DTD1: variants seen among roughly 807,000 people sequenced by gnomAD.
DTD1 encodes the protein D-tyrosyl-tRNA deacylase 1 homolog.
Under a neutral mutation model 25.6 loss-of-function variants are expected in DTD1, and 13 were observed. The observed-to-expected ratio is 0.51, with a 90% CI of 0.33 to 0.81. DTD1 has a LOEUF of 0.81. Among genes scored for constraint, DTD1 ranks in the 30% least tolerant of loss-of-function variants. The pLI, the probability that DTD1 is intolerant of heterozygous loss-of-function variation, is 0.02. For missense variants in DTD1, 193 were observed against 266.4 expected (o/e 0.72, Z 1.92); for synonymous variants, 110 against 103.6 (o/e 1.06, Z -0.37).
At chr20:18,616,364 A>G (rs999321974) in intron 3 of DTD1, among the ~76,000 whole-genome samples, 10 of 152,304 alleles carry the variant, frequency 6.6e-5, no homozygotes, top group East Asian at 1.9e-4. Flanking sequence ...ATGGCAAACT[A>G]TATCTACTTT....
chr20:18,681,479 G>GT (rs947866007), intron 4 of DTD1, among the ~76,000 whole-genome samples: 2 of 152,286 alleles, frequency 1.3e-5, no homozygotes, highest in African/African-American at 4.8e-5. Context: ...TCCACCAAGT[G>GT]TTTTTTGGAG....
At chr20:18,759,450 C>T (rs2061352609) in intron 5 of DTD1, among the ~76,000 whole-genome samples, 1 of 152,182 alleles carries the variant, frequency 6.6e-6, no homozygotes, top group African/African-American at 2.4e-5. Context: ...AATCTCTCAG[C>T]ATTTGCTTGT....
chr20:18,613,141 T>G (rs2122281563), intron 3 of DTD1, among the ~76,000 whole-genome samples: 1 of 152,304 alleles, frequency 6.6e-6, no homozygotes, highest in East Asian at 1.9e-4. Context: ...ATTTTAGTCC[T>G]GTTTCTGCTG....
Position 18,759,598 on chromosome 20 carries a change from A to G in DTD1, c.*20-3762A>G, listed in dbSNP as rs562516655. On this transcript the variant is annotated intron_variant, in intron 5 of 5. Transcript: ENST00000377452. ...TCTAGCTTGTAGAGTTTCTGCCGAG[A>G]GATCCGCTGTTAGTCTGATGGGCTT... Among the ~76,000 whole-genome samples the G allele has an allele frequency of 7.9e-5, 12 of 152,330 alleles. No individual in the cohort carries two copies. In the South Asian group the frequency reaches 2.5e-3, roughly 32 times the overall value.
chr20:18,646,469 T>C (rs2060850960), intron 4 of DTD1, among the ~76,000 whole-genome samples: 1 of 152,222 alleles, frequency 6.6e-6, no homozygotes, highest in Non-Finnish European at 1.5e-5. Context: ...TCCTTTATTT[T>C]TCCTCATGAA....
chr20:18,707,510 C>T (rs1483306042), intron 4 of DTD1, among the ~76,000 whole-genome samples: 1 of 152,118 alleles, frequency 6.6e-6, no homozygotes, highest in African/African-American at 2.4e-5. Flanking sequence ...GCTTCTCTGG[C>T]CATAGAGTGC....
intron 4 of DTD1, among the ~76,000 whole-genome samples, chr20:18,639,182 G>GAA (rs56353252): frequency 0.015 from 1,718 of 118,178 alleles, 39 homozygotes; most frequent in African/African-American, 0.047. Context: ...TTTTTTTTAA[G>GAA]AAAAAAAAAA....
intron 4 of DTD1, among the ~76,000 whole-genome samples, chr20:18,727,733 T>G (rs2061227328): frequency 6.6e-6 from 1 of 152,192 alleles, no homozygotes; most frequent in South Asian, 2.1e-4. Flanking sequence ...GCATTCCATG[T>G]AAAGGAGGGC....
rs1187067049 is a variant in DTD1 at position 18,749,863 on chromosome 20, A to G, written c.*19+5592A>G. Among the ~76,000 whole-genome samples, 1 of 152,228 alleles carries G rather than the reference A, an allele frequency of 6.6e-6. No individual in the cohort carries two copies. The highest frequency in any genetic ancestry group is 2.4e-5 in the African/African-American group (1 of 41,468). On this transcript the variant is annotated intron_variant, in intron 5 of 5. Coordinates refer to ENST00000377452, the MANE Select transcript of DTD1 (RefSeq NM_080820.6). This position sits in a 1 kb window ranked among gnomAD's most constrained non-coding sequence, Gnocchi z 4.2. ...CTACTCAGCGCATGGAGGCTCATGA[A>G]CAAGTTTAGATCGGCCCATGAAAGA...
chr20:18,683,179 G>A (rs6075393), intron 4 of DTD1, among the ~76,000 whole-genome samples: 46,859 of 151,952 alleles, frequency 0.31, 7,834 homozygotes, highest in Non-Finnish European at 0.38. Context: ...AGGGCACTGC[G>A]CATATGACAG....
intron 4 of DTD1, among the ~76,000 whole-genome samples, chr20:18,734,698 A>G (rs1359901144): frequency 1.3e-5 from 2 of 152,224 alleles, no homozygotes; most frequent in African/African-American, 4.8e-5. Flanking sequence ...ATACCAAATG[A>G]CAGCTGGTTG....
At chr20:18,644,418 A>G (rs779220135) in intron 4 of DTD1, among the ~76,000 whole-genome samples, 1 of 152,228 alleles carries the variant, frequency 6.6e-6, no homozygotes, top group Non-Finnish European at 1.5e-5. Flanking sequence ...AAGTTGCCTC[A>G]AAACTATGTA....
At chr20:18,682,010 G>GAACTT (rs2060999168) in intron 4 of DTD1, among the ~76,000 whole-genome samples, 1 of 152,204 alleles carries the variant, frequency 6.6e-6, no homozygotes, top group Non-Finnish European at 1.5e-5. Context: ...TGGGAGGGAG[G>GAACTT]AACTGGGAGT....
intron 4 of DTD1, among the ~76,000 whole-genome samples, chr20:18,683,251 T>C (rs897233563): frequency 6.6e-6 from 1 of 152,200 alleles, no homozygotes; most frequent in Non-Finnish European, 1.5e-5. Context: ...AGACTACCTG[T>C]TCATGGATAC....
intron 3 of DTD1, chr20:18,619,942 A>T (rs935348457): frequency 6.6e-6 from 1 of 152,024 alleles, no homozygotes; most frequent in Non-Finnish European, 1.5e-5. Flanking sequence ...GTATTTATGA[A>T]CTTTTAAATT....
chr20:18,644,220 G>T (rs1204856752), intron 4 of DTD1, among the ~76,000 whole-genome samples: 1 of 96,438 alleles, frequency 1.0e-5, no homozygotes, highest in Non-Finnish European at 2.3e-5. Context: ...AAAATTTGAA[G>T]TATTTCAAAC....
At chr20:18,739,077 TA>T (rs1281794657) in intron 4 of DTD1, among the ~76,000 whole-genome samples, 1 of 152,110 alleles carries the variant, frequency 6.6e-6, no homozygotes, top group Non-Finnish European at 1.5e-5. Flanking sequence ...CAGTGTGTCC[TA>T]AGGCCTTAGG....
intron 5 of DTD1, among the ~76,000 whole-genome samples, chr20:18,760,516 C>A (rs1600227679): frequency 6.6e-6 from 1 of 152,294 alleles, no homozygotes; most frequent in African/African-American, 2.4e-5. Context: ...ACCCTGTTTG[C>A]CTGGCTATCA....
At chr20:18,750,839 G>T (rs546284732) in intron 5 of DTD1, among the ~76,000 whole-genome samples, 1 of 152,344 alleles carries the variant, frequency 6.6e-6, no homozygotes, top group African/African-American at 2.4e-5. Flanking sequence ...GCAGGGTCAA[G>T]TATTACCTCA....
Sources: allele counts gnomAD v4.1 joint callset (sites outside exome capture counted in the v4.1 genomes callset), GRCh38; gene constraint gnomAD v4.1.1; non-coding constraint Gnocchi (gnomAD v3.1); transcripts MANE v1.5; gene names NCBI Gene and HGNC (gene_info 2026-07-23, HGNC 2026-07-21).